Variants in EPB41 observed in about 807,000 individuals in gnomAD.
The protein encoded by EPB41 is erythrocyte membrane protein band 4.1, also known as protein 4.1.
EPB41 carries 65 observed loss-of-function variants against 108.0 expected under a neutral mutation model. The observed-to-expected ratio is 0.60, with a 90% CI of 0.49 to 0.74. The LOEUF is 0.74. Among genes scored for constraint, EPB41 ranks in the 30% least tolerant of loss-of-function variants. The pLI, the probability that EPB41 is intolerant of heterozygous loss-of-function variation, is 0.00. For missense variants in EPB41, 875 were observed against 1,037.0 expected (o/e 0.84, Z 2.15); for synonymous variants, 336 against 358.9 (o/e 0.94, Z 0.72).
At chr1:29,084,603 A>T (rs1161512824) in intron 16 of EPB41, among the ~76,000 whole-genome samples, 1 of 152,246 alleles carries the variant, frequency 6.6e-6, no homozygotes, top group Non-Finnish European at 1.5e-5. Context: ...TGTGTGGGTA[A>T]TAGCAATATA....
chr1:29,109,735 G>A (rs1377823831), intron 18 of EPB41: 1 of 423,438 alleles, frequency 2.4e-6, no homozygotes, highest in African/African-American at 2.0e-5. Context: ...GTGGAAGTAA[G>A]TTTAAAAAGT....
At chr1:28,921,772 C>T (rs1216673747) in intron 1 of EPB41, among the ~76,000 whole-genome samples, 1 of 151,432 alleles carries the variant, frequency 6.6e-6, no homozygotes, top group Non-Finnish European at 1.5e-5. Context: ...TTCTTTCCAT[C>T]TGGTGTTGAA....
At chr1:29,024,064 C>T (rs890230072) in intron 7 of EPB41, among the ~76,000 whole-genome samples, 12 of 151,922 alleles carry the variant, frequency 7.9e-5, no homozygotes, top group Non-Finnish European at 1.3e-4. Context: ...TGGCTGGGCA[C>T]GGTGGCTCAC....
intron 1 of EPB41, among the ~76,000 whole-genome samples, chr1:28,948,702 G>A (rs1006002996): frequency 2.6e-5 from 4 of 152,040 alleles, no homozygotes; most frequent in African/African-American, 9.7e-5. Context: ...TGTAATCCTA[G>A]CACTTTGGGA....
intron 1 of EPB41, among the ~76,000 whole-genome samples, chr1:28,889,139 C>T (rs900605471): frequency 3.3e-5 from 5 of 152,174 alleles, no homozygotes; most frequent in Admixed American, 6.6e-5. Flanking sequence ...CTCTCTGAGT[C>T]CCAGGCTTGT....
rs759127726 is a variant in EPB41 at position 29,115,662 on chromosome 1, T to C, written c.2497-37T>C. ...ACTGCCTTCCTTCGCCATCAGGCTA[T>C]TTTCTGCCTCATTGCCCTTGTTTCT... On this transcript the variant is annotated intron_variant, in intron 19 of 20. Coordinates refer to ENST00000343067, the MANE Select transcript of EPB41 (RefSeq NM_001376013.1). This position sits in a 1 kb window ranked among gnomAD's most constrained non-coding sequence, Gnocchi z 4.4. 1.3e-6 allele frequency: 2 copies of C among 1,559,368 alleles called. No individual in the cohort carries two copies. The highest frequency in any genetic ancestry group is 2.7e-5 in the African/African-American group (2 of 73,812).
At chr1:28,958,837 AAAAG>A (rs1557817872) in intron 1 of EPB41, among the ~76,000 whole-genome samples, 9 of 151,462 alleles carry the variant, frequency 5.9e-5, no homozygotes, top group Non-Finnish European at 1.0e-4. Context: ...AAAAAAAAAA[AAAAG>A]AAAGAAAAAA....
intron 5 of EPB41, among the ~76,000 whole-genome samples, chr1:29,014,606 C>A (rs1283221470): frequency 2.0e-5 from 3 of 151,930 alleles, no homozygotes; most frequent in Non-Finnish European, 2.9e-5. Context: ...CACTCTGCCA[C>A]CCAGGCTGGA....
At chr1:29,063,032 A>G (rs184710303) in intron 15 of EPB41, among the ~76,000 whole-genome samples, 1 of 152,332 alleles carries the variant, frequency 6.6e-6, no homozygotes, top group Admixed American at 6.5e-5. Flanking sequence ...CATTTTACAT[A>G]GCATCTCTTG....
At position 28,961,034 on chromosome 1, in the gene EPB41, C is replaced by CAA. The variant is rs1272961367; in HGVS notation, c.-7-26377_-7-26376dup. ...GGGCAACAAGAGCAAAACCCTGTCT[C>CAA]AAAAAAAAAAAAAAAAAAAAAGATG... On this transcript the variant is annotated intron_variant, in intron 1 of 20. Transcript: ENST00000343067. Among the ~76,000 whole-genome samples the CAA allele has an allele frequency of 7.9e-3, 401 of 51,070 alleles. 3 individuals are homozygous for CAA. The highest frequency in any genetic ancestry group is 0.025 in the African/African-American group (355 of 14,404). The allele number at this position is 51,070 out of a possible 152,430, so 33.5% of individuals were successfully genotyped here.
intron 1 of EPB41, among the ~76,000 whole-genome samples, chr1:28,905,475 G>A (rs203291): frequency 0.12 from 18,341 of 150,854 alleles, 1,545 homozygotes; most frequent in African/African-American, 0.25. Flanking sequence ...CAGCCTGGGC[G>A]ACAGAGGAAG....
At position 28,954,150 on chromosome 1, in the gene EPB41, A is replaced by G. The variant is rs372109680; in HGVS notation, c.-7-33281A>G. The stretch of plus-strand genomic sequence containing the variant: ...GTAATTATTTATAGTTTATTCCTCC[A>G]TATTTCCCAAGAAATGCTCATTCAT... On this transcript the variant is annotated intron_variant, in intron 1 of 20. Coordinates refer to ENST00000343067, the MANE Select transcript of EPB41 (RefSeq NM_001376013.1). Among the ~76,000 whole-genome samples, 15 of 152,304 alleles carry G rather than the reference A, an allele frequency of 9.8e-5. No homozygotes were observed. In the East Asian group the frequency reaches 2.5e-3, roughly 25 times the overall value.
chr1:28,890,140 C>A (rs545303443), intron 1 of EPB41, among the ~76,000 whole-genome samples: 176 of 152,122 alleles, frequency 1.2e-3, no homozygotes, highest in African/African-American at 3.7e-3. Flanking sequence ...TGGATTCAAG[C>A]GATTCTCTTG....
chr1:28,899,578 T>G (rs2091064133), intron 1 of EPB41, among the ~76,000 whole-genome samples: 1 of 151,998 alleles, frequency 6.6e-6, no homozygotes, highest in Admixed American at 6.6e-5. Context: ...GGGGGGAAAG[T>G]GATGGACTGT....
At chr1:28,944,534 G>GTTTT (rs55849161) in intron 1 of EPB41, among the ~76,000 whole-genome samples, 134 of 97,414 alleles carry the variant, frequency 1.4e-3, no homozygotes, top group African/African-American at 1.7e-3. Context: ...CTCAGATCTG[G>GTTTT]TTTTTTTTTT....
rs543957519 is a variant in EPB41 at position 29,000,104 on chromosome 1, TTTTG to T, written c.786+2794_786+2797del. Reference sequence around the variant, plus strand: ...ATGCCTTGCCACTATTGTAATTAGTTTTTGTTTGTTTGAGATGGAGCTTCACTCT... The same window carrying T: ...ATGCCTTGCCACTATTGTAATTAGTTTTTGTTTGAGATGGAGCTTCACTCT... On this transcript the variant is annotated intron_variant, in intron 4 of 20. Coordinates refer to ENST00000343067, the MANE Select transcript of EPB41 (RefSeq NM_001376013.1). 3.3e-5 allele frequency among the ~76,000 whole-genome samples: 5 copies of T among 152,084 alleles called. No homozygotes were observed. The South Asian group carries it at 8.3e-4, about 25-fold the overall frequency.
Position 29,018,390 on chromosome 1 carries a change from A to C in EPB41, c.1072A>C (p.Asn358His), listed in dbSNP as rs1472336034. The C allele has an allele frequency of 6.2e-7, 1 of 1,614,002 alleles. No individual in the cohort carries two copies. The highest frequency in any genetic ancestry group is 1.3e-5 in the African/African-American group (1 of 74,920). Reference sequence around the variant, plus strand: ...TGTTAGTGATTTTAAACTGGCCCCGAATCAGACCAAGGAACTTGAAGAGAA... The same window carrying C: ...TGTTAGTGATTTTAAACTGGCCCCGCATCAGACCAAGGAACTTGAAGAGAA... ...DYVSDFKLAP[N>H]QTKELEEKVM... is the part of the protein sequence containing the mutation. The change falls in exon 7 of 21, where the codon AAT (asparagine) becomes CAT (histidine). Residue 358 changes from asparagine to histidine, a missense_variant. Coordinates refer to ENST00000343067, the MANE Select transcript of EPB41 (RefSeq NM_001376013.1). This position sits in a 1 kb window ranked among gnomAD's most constrained non-coding sequence, Gnocchi z 4.4.
chr1:29,065,143 C>G lies in EPB41; in HGVS notation c.2169C>G (p.Ile723Met). 6.2e-7 allele frequency: 1 copy of G among 1,604,656 alleles called. No individual in the cohort carries two copies. The highest frequency in any genetic ancestry group is 8.5e-7 in the Non-Finnish European group (1 of 1,173,796). Residue 723 changes from isoleucine (I) to methionine (M), a missense_variant, in exon 16 of 21, where the codon ATC becomes ATG. Physicochemically the swap from Ile to Met is conservative, Grantham distance 10. Transcript: ENST00000343067. ...PFRTLNINGQ[I>M]PTGEGPPLVK... is the part of the protein sequence containing the mutation. ...GAACTCTTAACATCAATGGGCAAATCCCCACAGGAGAAGGAGTGAGTACTT... is the reference window on the plus strand; with the variant it reads ...GAACTCTTAACATCAATGGGCAAATGCCCACAGGAGAAGGAGTGAGTACTT...
intron 2 of EPB41, chr1:28,989,313 A>G: frequency 6.2e-6 from 5 of 804,318 alleles, no homozygotes; most frequent in Non-Finnish European, 7.5e-6. Flanking sequence ...AAACATTAGT[A>G]CTGTAACTCA....
Sources: allele counts gnomAD v4.1 joint callset (sites outside exome capture counted in the v4.1 genomes callset), GRCh38; gene constraint gnomAD v4.1.1; non-coding constraint Gnocchi (gnomAD v3.1); transcripts MANE v1.5; gene names NCBI Gene and HGNC (gene_info 2026-07-23, HGNC 2026-07-21).